The following ABCG2 variants were observed in gnomAD, a reference collection of about 807,000 sequenced individuals.
ABCG2 encodes broad substrate specificity ATP-binding cassette transporter ABCG2.
Under a neutral mutation model 73.5 loss-of-function variants are expected in ABCG2, and 80 were observed. The observed-to-expected ratio is 1.09, with a 90% CI of 0.91 to 1.31. The LOEUF (loss-of-function observed/expected upper bound fraction) is 1.31. Among genes scored for constraint, ABCG2 ranks in the 50% most tolerant of loss-of-function variants. The probability of loss-of-function intolerance (pLI) is 0.00; values close to 1 mark genes in which losing one functional copy is unlikely to be tolerated. For synonymous variants in ABCG2, 269 were observed against 282.4 expected (o/e 0.95, Z 0.48); for missense variants, 796 against 786.2 (o/e 1.01, Z -0.15).
chr4:88,156,985 C>T (rs1578241847), intron 1 of ABCG2, among the ~76,000 whole-genome samples: 1 of 152,104 alleles, frequency 6.6e-6, no homozygotes, highest in Non-Finnish European at 1.5e-5. Context: ...GCCTATAATC[C>T]CAGCTACTCA....
chr4:88,224,244 T>G (rs1386483818), intron 1 of ABCG2, among the ~76,000 whole-genome samples: 1 of 152,148 alleles, frequency 6.6e-6, no homozygotes, highest in African/African-American at 2.4e-5. Context: ...GAGCTCAGCC[T>G]GGGCAACAGA....
chr4:88,212,695 T>A (rs1018983498), intron 1 of ABCG2, among the ~76,000 whole-genome samples: 1 of 152,246 alleles, frequency 6.6e-6, no homozygotes, highest in Middle Eastern at 3.4e-3. Context: ...TTAGTCACCA[T>A]ACCTGCCGAA....
intron 1 of ABCG2, among the ~76,000 whole-genome samples, chr4:88,150,438 G>C (rs1050727925): frequency 6.6e-6 from 1 of 152,180 alleles, no homozygotes; most frequent in African/African-American, 2.4e-5. Flanking sequence ...AGTGAGGGAG[G>C]ATAAGAGAGC....
chr4:88,194,991 T>C (rs1045481304), intron 1 of ABCG2, among the ~76,000 whole-genome samples: 1 of 152,224 alleles, frequency 6.6e-6, no homozygotes, highest in African/African-American at 2.4e-5. Context: ...TTGTGGAGAA[T>C]AGACTTATGC....
At chr4:88,168,342 CTGAG>C (rs1727623900) in intron 1 of ABCG2, among the ~76,000 whole-genome samples, 1 of 152,024 alleles carries the variant, frequency 6.6e-6, no homozygotes. Context: ...CAAAAATTAG[CTGAG>C]CATGGTGGCA....
At chr4:88,103,746 G>C (rs938855379) in intron 10 of ABCG2, among the ~76,000 whole-genome samples, 1 of 152,044 alleles carries the variant, frequency 6.6e-6, no homozygotes, top group African/African-American at 2.4e-5. Flanking sequence ...CTAGCCTCTG[G>C]CAACCACCAT....
At chr4:88,223,217 G>A (rs1366508388) in intron 1 of ABCG2, among the ~76,000 whole-genome samples, 1 of 152,164 alleles carries the variant, frequency 6.6e-6, no homozygotes, top group Non-Finnish European at 1.5e-5. Flanking sequence ...AATGAGTTAA[G>A]ACTTTGGGGG....
rs375291914 is a variant in ABCG2, at chr4:88,204,389, C to A, written c.-20+26605G>T. Among the ~76,000 whole-genome samples the A allele has an allele frequency of 2.3e-3, 354 of 152,286 alleles. 1 individual carries two copies. The highest frequency in any genetic ancestry group is 8.1e-3 in the African/African-American group (338 of 41,544). ...TGAGCCGAGATCGTGCCACTGCACTCCAGCCTGGTGACAGAGCAAGACTCC... is the reference window on the plus strand; with the variant it reads ...TGAGCCGAGATCGTGCCACTGCACTACAGCCTGGTGACAGAGCAAGACTCC... On this transcript the variant is annotated intron_variant, in intron 1 of 15. Coordinates refer to the ABCG2 transcript ENST00000515655.
intron 1 of ABCG2, among the ~76,000 whole-genome samples, chr4:88,211,358 G>GGTCC (rs1553900212): frequency 3.0e-5 from 1 of 33,648 alleles, no homozygotes; most frequent in Non-Finnish European, 5.6e-5. Flanking sequence ...TTCAACCCCT[G>GGTCC]CCCCACCCCC....
chr4:88,148,110 T>TG (rs1726175916), intron 1 of ABCG2, among the ~76,000 whole-genome samples: 1 of 152,180 alleles, frequency 6.6e-6, no homozygotes, highest in Non-Finnish European at 1.5e-5. Context: ...AGCTGAATCT[T>TG]GAACAGCACA....
At chr4:88,116,292 G>A (rs1014609108) in intron 7 of ABCG2, among the ~76,000 whole-genome samples, 6 of 152,202 alleles carry the variant, frequency 3.9e-5, no homozygotes, top group Admixed American at 1.3e-4. Context: ...CAGTATTCTC[G>A]ATAGAACATG....
intron 1 of ABCG2, among the ~76,000 whole-genome samples, chr4:88,181,404 A>AAAAAAAC: frequency 3.1e-5 from 1 of 32,596 alleles, no homozygotes; most frequent in Non-Finnish European, 7.4e-5. Context: ...ATCTCAAAAA[A>AAAAAAAC]AAAAAAAAAA....
rs1468973191 is a variant in ABCG2 at position 88,118,156 on chromosome 4, A to G, written c.794T>C (p.Met265Thr). 2.5e-6 allele frequency: 4 copies of G among 1,614,076 alleles called. No individual in the cohort carries two copies. Among genetic ancestry groups the G allele is most frequent in the Admixed American group, 1.7e-5 (1 of 60,012 alleles). ...SLTLLASGRL[M>T]FHGPAQEALG... is the part of the protein sequence containing the mutation. The stretch of plus-strand genomic sequence containing the variant: ...GGCCTCCTGAGCAGGCCCGTGGAAC[A>G]TAAGTCTTCCTGAGGCCAATAAGGT... The change falls in exon 7 of 16, where the codon ATG becomes ACG. Residue 265 changes from methionine (M) to threonine (T), a missense_variant. Transcript: ENST00000237612.
chr4:88,096,204 T>C (rs1235024167), intron 13 of ABCG2, among the ~76,000 whole-genome samples: 1 of 152,168 alleles, frequency 6.6e-6, no homozygotes, highest in Admixed American at 6.5e-5. Context: ...AGTGCTATCA[T>C]TTAAAGCTGC....
At chr4:88,155,908 A>G (rs200697172) in intron 1 of ABCG2, among the ~76,000 whole-genome samples, 1 of 152,198 alleles carries the variant, frequency 6.6e-6, no homozygotes, top group East Asian at 1.9e-4. Flanking sequence ...TCTCAAAAAA[A>G]AAAAGAAGTA....
At chr4:88,151,890 T>C (rs1405054342) in intron 1 of ABCG2, among the ~76,000 whole-genome samples, 2 of 152,138 alleles carry the variant, frequency 1.3e-5, no homozygotes, top group Admixed American at 6.6e-5. Context: ...TCCAAAATCA[T>C]AGAAGGGCTC....
chr4:88,226,966 GC>G (rs765741977), intron 1 of ABCG2: 1 of 152,152 alleles, frequency 6.6e-6, no homozygotes, highest in Non-Finnish European at 1.5e-5. Context: ...TTAAAAATTC[GC>G]TGTGTGTGGT....
chr4:88,167,230 A>C (rs1331721554), intron 1 of ABCG2, among the ~76,000 whole-genome samples: 1 of 151,834 alleles, frequency 6.6e-6, no homozygotes, highest in Non-Finnish European at 1.5e-5. Context: ...TCCAAGACTG[A>C]GTTTCCTGTG....
At chr4:88,156,742 A>G (rs1726969049) in intron 1 of ABCG2, among the ~76,000 whole-genome samples, 1 of 152,236 alleles carries the variant, frequency 6.6e-6, no homozygotes, top group African/African-American at 2.4e-5. Flanking sequence ...GAAAAATGGC[A>G]GTGCAGGTTT....
Sources: gnomAD v4.1 joint callset for allele counts (sites outside exome capture counted in the v4.1 genomes callset) on GRCh38, gnomAD v4.1.1 for gene constraint, MANE v1.5 for transcripts, NCBI Gene and HGNC (gene_info 2026-07-23, HGNC 2026-07-21) for gene names.